The following GALNT13 variants were observed in gnomAD, a reference collection of about 807,000 sequenced individuals.
GALNT13 encodes the protein polypeptide N-acetylgalactosaminyltransferase 13.
A neutral mutation model predicts 64.2 loss-of-function variants in GALNT13; 28 were observed. The ratio of observed to expected loss-of-function variants is 0.44; its 90% CI spans 0.32 to 0.60. GALNT13 has a LOEUF of 0.60. Among genes scored for constraint, GALNT13 ranks in the 20% least tolerant of loss-of-function variants. The pLI, the probability that GALNT13 is intolerant of heterozygous loss-of-function variation, is 0.05. For synonymous variants in GALNT13, 214 were observed against 224.6 expected (o/e 0.95, Z 0.42); for missense variants, 577 against 669.8 (o/e 0.86, Z 1.53).
chr2:153,766,493 T>A, the GALNT13 span, among the ~76,000 whole-genome samples: 3 of 152,190 alleles, frequency 2.0e-5, no homozygotes, highest in African/African-American at 7.2e-5. Flanking sequence ...AATCCTATTA[T>A]GCATGGATTA....
chr2:154,378,476 T>C (rs969764098), intron 9 of GALNT13, among the ~76,000 whole-genome samples: 3 of 152,172 alleles, frequency 2.0e-5, no homozygotes, highest in Non-Finnish European at 2.9e-5. Context: ...TTCTCTGTTG[T>C]AGGCAACTAA....
chr2:153,169,052 A>T, the GALNT13 span, among the ~76,000 whole-genome samples: 14 of 152,350 alleles, frequency 9.2e-5, no homozygotes, highest in African/African-American at 3.1e-4. Context: ...AAGGAGAAAA[A>T]AATATTTTTG....
intron 2 of GALNT13, among the ~76,000 whole-genome samples, chr2:153,912,216 G>A (rs903164123): frequency 3.2e-4 from 49 of 151,930 alleles, no homozygotes; most frequent in East Asian, 1.2e-3. Flanking sequence ...TTGCTATTGC[G>A]TTATGAAATT....
At position 154,150,644 on chromosome 2, in the gene GALNT13, C is replaced by T. The variant is rs567714612; in HGVS notation, c.311+10139C>T. The stretch of plus-strand genomic sequence containing the variant: ...TCTATTCAGAGATTCAACTTCTTCC[C>T]GGTTTAGTCTTGGGAGAGTGTTTGT... On this transcript the variant is annotated intron_variant, in intron 4 of 12. Transcript: ENST00000392825. 2.4e-4 allele frequency among the ~76,000 whole-genome samples: 36 copies of T among 152,136 alleles called. No individual in the cohort carries two copies. The South Asian group carries it at 2.5e-3, about 11-fold the overall frequency.
the GALNT13 span, among the ~76,000 whole-genome samples, chr2:153,133,859 GTT>G: frequency 6.6e-6 from 1 of 152,180 alleles, no homozygotes; most frequent in Non-Finnish European, 1.5e-5. Flanking sequence ...GATAAGAGCT[GTT>G]TTGTGTTTCT....
At chr2:153,361,514 A>C in the GALNT13 span, among the ~76,000 whole-genome samples, 2 of 152,114 alleles carry the variant, frequency 1.3e-5, no homozygotes, top group Admixed American at 6.6e-5. Context: ...TAACCAGCTT[A>C]GAGGGGAACA....
the GALNT13 span, among the ~76,000 whole-genome samples, chr2:153,125,038 A>G: frequency 6.6e-6 from 1 of 152,206 alleles, no homozygotes; most frequent in Non-Finnish European, 1.5e-5. Flanking sequence ...CAGGATTACC[A>G]ATTAGATTTG....
the GALNT13 span, among the ~76,000 whole-genome samples, chr2:153,218,325 C>A: frequency 6.6e-6 from 1 of 152,200 alleles, no homozygotes; most frequent in African/African-American, 2.4e-5. Context: ...ATTACCCTGG[C>A]TCTCAGGATT....
At chr2:153,106,706 T>A in the GALNT13 span, among the ~76,000 whole-genome samples, 1 of 151,966 alleles carries the variant, frequency 6.6e-6, no homozygotes, top group Non-Finnish European at 1.5e-5. Context: ...GGATTAGGAG[T>A]GAAGATGAAG....
At chr2:153,791,912 G>A in the GALNT13 span, among the ~76,000 whole-genome samples, 2 of 152,096 alleles carry the variant, frequency 1.3e-5, no homozygotes, top group Non-Finnish European at 2.9e-5. Flanking sequence ...GAGCATACTT[G>A]AGGGTGGAAG....
intron 8 of GALNT13, among the ~76,000 whole-genome samples, chr2:154,275,819 C>A (rs1691616919): frequency 6.6e-6 from 1 of 152,218 alleles, no homozygotes; most frequent in Admixed American, 6.5e-5. Context: ...CAGCCCCAAC[C>A]CAGGAAAGCT....
chr2:153,667,381 G>C, the GALNT13 span, among the ~76,000 whole-genome samples: 4 of 152,120 alleles, frequency 2.6e-5, no homozygotes, highest in African/African-American at 9.7e-5. Context: ...AGAGAAAAGT[G>C]GCTGGTCACC....
At chr2:153,467,675 A>T in the GALNT13 span, among the ~76,000 whole-genome samples, 1 of 152,086 alleles carries the variant, frequency 6.6e-6, no homozygotes, top group Admixed American at 6.6e-5. Context: ...TAACATCCAT[A>T]AAATACCAAA....
chr2:153,648,105 A>C, the GALNT13 span, among the ~76,000 whole-genome samples: 160 of 152,128 alleles, frequency 1.1e-3, 1 homozygote, highest in Admixed American at 2.6e-3. Flanking sequence ...TGAGCATGGA[A>C]TGTTCTTCCA....
At chr2:153,100,007 A>T in the GALNT13 span, among the ~76,000 whole-genome samples, 1 of 152,212 alleles carries the variant, frequency 6.6e-6, no homozygotes, top group Non-Finnish European at 1.5e-5. Context: ...GGATTGGGAA[A>T]AAGAAAAAGC....
chr2:153,325,354 C>T, the GALNT13 span, among the ~76,000 whole-genome samples: 1 of 151,924 alleles, frequency 6.6e-6, no homozygotes, highest in East Asian at 1.9e-4. Flanking sequence ...TCCACTTTAT[C>T]ATTTTTATTG....
chr2:153,662,143 A>G, the GALNT13 span, among the ~76,000 whole-genome samples: 16 of 152,294 alleles, frequency 1.1e-4, no homozygotes, highest in South Asian at 3.3e-3. Flanking sequence ...AGAGAGCTGA[A>G]TAAACCAGGG....
At chr2:153,670,769 T>G in the GALNT13 span, among the ~76,000 whole-genome samples, 1 of 152,248 alleles carries the variant, frequency 6.6e-6, no homozygotes, top group South Asian at 2.1e-4. Flanking sequence ...TAAAGGAGCA[T>G]GATCTAACCC....
the GALNT13 span, among the ~76,000 whole-genome samples, chr2:153,349,599 G>T: frequency 6.6e-6 from 1 of 152,148 alleles, no homozygotes; most frequent in East Asian, 1.9e-4. Flanking sequence ...TGAGAATCAG[G>T]CTGCATTTCT....
Sources: allele counts gnomAD v4.1 joint callset (sites outside exome capture counted in the v4.1 genomes callset), GRCh38; gene constraint gnomAD v4.1.1; transcripts MANE v1.5; gene names NCBI Gene and HGNC (gene_info 2026-07-23, HGNC 2026-07-21).